Variants in CEP63 observed in about 807,000 individuals in gnomAD.
CEP63 encodes the protein centrosomal protein of 63 kDa.
CEP63 carries 84 observed loss-of-function variants against 89.1 expected under a neutral mutation model. That is an observed-to-expected ratio of 0.94 (90% confidence interval 0.79 to 1.13). The LOEUF (loss-of-function observed/expected upper bound fraction) is 1.13, where lower values mean the gene tolerates loss of function less well. CEP63 is among the 50% of genes most tolerant of loss of function. CEP63 has a pLI of 0.00. For missense variants in CEP63, 838 were observed against 813.3 expected (o/e 1.03, Z -0.37); for synonymous variants, 267 against 272.5 (o/e 0.98, Z 0.20).
chr3:134,534,342 T>G (rs1950389212), intron 5 of CEP63, among the ~76,000 whole-genome samples: 1 of 152,190 alleles, frequency 6.6e-6, no homozygotes, highest in African/African-American at 2.4e-5. Context: ...TTAGCTCTTG[T>G]CATTACCAAT....
rs751281291 is a variant in CEP63, at chr3:134,558,338, C to T, written c.1664C>T (p.Thr555Ile). The T allele has an allele frequency of 1.2e-6, 2 of 1,606,718 alleles. No homozygotes were observed. Among genetic ancestry groups the T allele is most frequent in the Non-Finnish European group, 1.7e-6 (2 of 1,176,364 alleles). ...THSRTTEFKNTEFKPTHGQHR... is the reference protein window; with the variant it reads ...THSRTTEFKNIEFKPTHGQHR... ...AGCAGAACAACTGAGTTCAAGAATACAGAGTTCAAGTAAAATTTTTTAAAA... is the reference window on the plus strand; with the variant it reads ...AGCAGAACAACTGAGTTCAAGAATATAGAGTTCAAGTAAAATTTTTTAAAA... The change falls in exon 13 of 15, where the codon ACA (threonine) becomes ATA (isoleucine). Residue 555 changes from threonine (T) to isoleucine (I), a missense_variant. Physicochemically the swap from Thr to Ile is moderately conservative, Grantham distance 89. Coordinates refer to ENST00000675561, the MANE Select transcript of CEP63 (RefSeq NM_001353108.3).
the CEP63 span, among the ~76,000 whole-genome samples, chr3:134,626,191 T>C: frequency 6.6e-6 from 1 of 152,196 alleles, no homozygotes; most frequent in Non-Finnish European, 1.5e-5. Context: ...GAGCCCCTGA[T>C]CCAGGTGGAC....
At chr3:134,686,691 A>G in the CEP63 span, among the ~76,000 whole-genome samples, 1 of 152,246 alleles carries the variant, frequency 6.6e-6, no homozygotes. Context: ...AACTGCAACT[A>G]CAAACACAGT....
downstream of CEP63, among the ~76,000 whole-genome samples, chr3:134,590,279 G>A (rs1958574313): frequency 6.6e-6 from 1 of 152,106 alleles, no homozygotes; most frequent in African/African-American, 2.4e-5. Flanking sequence ...CAACATGATT[G>A]TGTGTGTAGA....
At chr3:134,653,763 C>T in the CEP63 span, among the ~76,000 whole-genome samples, 4 of 152,280 alleles carry the variant, frequency 2.6e-5, no homozygotes, top group East Asian at 1.9e-4. Context: ...ACACAATCAA[C>T]GGGACAAATA....
At chr3:134,780,746 T>C in the CEP63 span, 14 of 152,260 alleles carry the variant, frequency 9.2e-5, no homozygotes, top group African/African-American at 3.1e-4. Flanking sequence ...GGCTTAACTA[T>C]GTTTATGGTG....
intron 2 of CEP63, among the ~76,000 whole-genome samples, chr3:134,496,438 G>C (rs1052306857): frequency 6.7e-6 from 1 of 149,394 alleles, no homozygotes; most frequent in Non-Finnish European, 1.5e-5. Context: ...AAAAGGGGGG[G>C]GGGGCTAAAG....
At chr3:134,495,467 C>T in intron 2 of CEP63, 103 bp downstream of exon 2, 1 of 776,064 alleles carries the variant, frequency 1.3e-6, no homozygotes. Context: ...GTGTAATGAT[C>T]AAATAAGGGT....
At chr3:134,620,997 T>A in the CEP63 span, 2 of 628,914 alleles carry the variant, frequency 3.2e-6, no homozygotes, top group South Asian at 3.7e-5. Flanking sequence ...AAAGGCTGGC[T>A]GAGGACAAAT....
chr3:134,692,101 T>C, the CEP63 span, among the ~76,000 whole-genome samples: 1 of 140,474 alleles, frequency 7.1e-6, no homozygotes, highest in African/African-American at 2.7e-5. Context: ...GATTTTTTTT[T>C]TAATTAATTA....
intron 3 of CEP63, among the ~76,000 whole-genome samples, chr3:134,518,037 C>T (rs578064337): frequency 6.6e-6 from 1 of 152,088 alleles, no homozygotes; most frequent in Non-Finnish European, 1.5e-5. Flanking sequence ...AAGTAAACAT[C>T]AAAGCCAGAA....
At chr3:134,643,805 G>C in the CEP63 span, among the ~76,000 whole-genome samples, 1 of 151,284 alleles carries the variant, frequency 6.6e-6, no homozygotes, top group East Asian at 2.0e-4. Context: ...CAGGTCTTCT[G>C]ACTCCCAGTT....
chr3:134,743,168 C>A, the CEP63 span, among the ~76,000 whole-genome samples: 1 of 152,142 alleles, frequency 6.6e-6, no homozygotes, highest in Non-Finnish European at 1.5e-5. Flanking sequence ...CTTGAGGGAC[C>A]AGCTTGCCAT....
chr3:134,648,134 C>T, the CEP63 span, among the ~76,000 whole-genome samples: 4 of 152,348 alleles, frequency 2.6e-5, no homozygotes, highest in South Asian at 4.1e-4. Context: ...CATGGGGATA[C>T]GTTCTGGCAG....
At chr3:134,753,873 T>G in the CEP63 span, among the ~76,000 whole-genome samples, 3 of 94,562 alleles carry the variant, frequency 3.2e-5, no homozygotes, top group African/African-American at 7.1e-5. Context: ...CCTCAGTGCA[T>G]AGAAGTGTGG....
the CEP63 span, among the ~76,000 whole-genome samples, chr3:134,756,711 T>C: frequency 6.6e-6 from 1 of 152,090 alleles, no homozygotes; most frequent in Non-Finnish European, 1.5e-5. Context: ...TGTGCAGGGA[T>C]GGAGGGCTGC....
intron 11 of CEP63, among the ~76,000 whole-genome samples, chr3:134,570,696 G>A (rs559813950): frequency 2.0e-5 from 3 of 152,202 alleles, no homozygotes; most frequent in South Asian, 2.1e-4. Flanking sequence ...TTCCAAAGTC[G>A]CTTCCACATT....
chr3:134,691,781 A>G, the CEP63 span, among the ~76,000 whole-genome samples: 17 of 151,280 alleles, frequency 1.1e-4, no homozygotes, highest in East Asian at 7.9e-4. Context: ...GTGCAGTGGT[A>G]TGATCTCGGC....
At chr3:134,557,195 G>A (rs974338175) in intron 12 of CEP63, among the ~76,000 whole-genome samples, 29 of 151,850 alleles carry the variant, frequency 1.9e-4, no homozygotes, top group East Asian at 9.6e-4. Context: ...ATTTTAACTC[G>A]TATGTCCTGC....
Sources: allele counts gnomAD v4.1 joint callset (sites outside exome capture counted in the v4.1 genomes callset), GRCh38; gene constraint gnomAD v4.1.1; transcripts MANE v1.5; gene names NCBI Gene and HGNC (gene_info 2026-07-23, HGNC 2026-07-21).